The following PIK3CB variants were observed in gnomAD, a reference collection of about 807,000 sequenced individuals.
The protein encoded by PIK3CB is phosphatidylinositol-4,5-bisphosphate 3-kinase catalytic subunit beta.
In PIK3CB, 39 loss-of-function variants were observed where a neutral mutation model predicts 136.8. That is an observed-to-expected ratio of 0.29 (90% CI 0.22 to 0.37). PIK3CB has a LOEUF of 0.37. PIK3CB is among the 10% of genes least tolerant of loss of function. PIK3CB has a pLI of 1.00. For missense variants in PIK3CB, 868 were observed against 1,275.4 expected (o/e 0.68, Z 4.87); for synonymous variants, 428 against 436.6 (o/e 0.98, Z 0.25).
rs547595741 is a variant in PIK3CB, at chr3:138,772,361, T to A, written c.-16-13002A>T. 2.6e-5 allele frequency among the ~76,000 whole-genome samples: 4 copies of A among 152,326 alleles called. No homozygotes were observed. In the East Asian group the frequency reaches 7.7e-4, roughly 29 times the overall value. On this transcript the variant is annotated intron_variant, in intron 2 of 23. Coordinates refer to ENST00000674063, the MANE Select transcript of PIK3CB (RefSeq NM_006219.3). ...ATGGCATACAGTTTATACACTCTTTTAAAGTTCTATTGTTCCAGACACTTT... is the reference window on the plus strand; with the variant it reads ...ATGGCATACAGTTTATACACTCTTTAAAAGTTCTATTGTTCCAGACACTTT...
intron 1 of PIK3CB, among the ~76,000 whole-genome samples, chr3:138,821,371 G>A (rs1444281759): frequency 6.6e-6 from 1 of 152,116 alleles, no homozygotes; most frequent in Non-Finnish European, 1.5e-5. Context: ...TTGGGAGGCT[G>A]CGGCGGGTGG....
At chr3:138,700,755 T>C (rs538743817) in intron 12 of PIK3CB, among the ~76,000 whole-genome samples, 3 of 150,732 alleles carry the variant, frequency 2.0e-5, no homozygotes, top group African/African-American at 7.3e-5. Context: ...AGAGATAGAG[T>C]AGAAGAAAAG....
intron 1 of PIK3CB, among the ~76,000 whole-genome samples, chr3:138,806,448 G>A (rs544666945): frequency 4.6e-5 from 7 of 151,886 alleles, no homozygotes; most frequent in Admixed American, 3.3e-4. Flanking sequence ...TCCCACCACC[G>A]CATTCCAGCC....
At chr3:138,762,688 GTGGCTCAGCCTATAATCTCAGCAC>G (rs2045678652) in intron 2 of PIK3CB, among the ~76,000 whole-genome samples, 1 of 152,156 alleles carries the variant, frequency 6.6e-6, no homozygotes, top group Non-Finnish European at 1.5e-5. Context: ...GCCAGGTAGG[GTGGCTCAGCCTATAATCTCAGCAC>G]TTTGGGAAGC....
chr3:138,706,146 T>C (rs1348595951), intron 11 of PIK3CB, among the ~76,000 whole-genome samples: 3 of 152,214 alleles, frequency 2.0e-5, no homozygotes, highest in Non-Finnish European at 2.9e-5. Flanking sequence ...CCAGGGATGC[T>C]GAGGCAGGAC....
intron 1 of PIK3CB, among the ~76,000 whole-genome samples, chr3:138,817,326 G>A (rs1933381640): frequency 6.6e-6 from 1 of 151,360 alleles, no homozygotes; most frequent in African/African-American, 2.4e-5. Flanking sequence ...GCGACAGCGA[G>A]ACTCCATCTC....
At chr3:138,708,680 C>T (rs769078706) in intron 10 of PIK3CB, among the ~76,000 whole-genome samples, 14 of 151,214 alleles carry the variant, frequency 9.3e-5, no homozygotes, top group Admixed American at 1.3e-4. Flanking sequence ...TAGCCCCAAA[C>T]GATCCTCCTG....
chr3:138,773,270 G>A (rs936833176), intron 2 of PIK3CB, among the ~76,000 whole-genome samples: 1 of 151,808 alleles, frequency 6.6e-6, no homozygotes, highest in Admixed American at 6.6e-5. Context: ...GTGTTGTCAG[G>A]CGCCCACCTA....
intron 1 of PIK3CB, among the ~76,000 whole-genome samples, chr3:138,822,732 T>C (rs563054129): frequency 6.6e-6 from 1 of 151,014 alleles, no homozygotes; most frequent in East Asian, 2.0e-4. Context: ...TCCCAGCTAC[T>C]TGGGAGGCTG....
chr3:138,784,919 G>A (rs1383580193), intron 2 of PIK3CB, among the ~76,000 whole-genome samples: 3 of 151,800 alleles, frequency 2.0e-5, no homozygotes, highest in East Asian at 1.9e-4. Context: ...CCCTCTGCCC[G>A]GCCGCCACCC....
At chr3:138,826,668 A>T (rs571168362) in intron 1 of PIK3CB, among the ~76,000 whole-genome samples, 2 of 152,272 alleles carry the variant, frequency 1.3e-5, no homozygotes, top group South Asian at 4.2e-4. Flanking sequence ...CTCTAAACCA[A>T]ATAGTTCAGA....
At chr3:138,723,102 A>G (rs1267394684) in intron 8 of PIK3CB, among the ~76,000 whole-genome samples, 1 of 152,156 alleles carries the variant, frequency 6.6e-6, no homozygotes, top group Non-Finnish European at 1.5e-5. Flanking sequence ...AAGCATAAAA[A>G]AAGAAGTTTT....
Position 138,657,681 on chromosome 3 carries a change from A to C in PIK3CB, c.2942+9T>G. ...AAGTGTTCAGCCTTGGCACAAGGGC[A>C]GTACTCACCGGCCAAACTTTTCTGT... On this transcript the variant is annotated intron_variant, in intron 22 of 23. Coordinates refer to ENST00000674063, the MANE Select transcript of PIK3CB (RefSeq NM_006219.3). 6.2e-7 allele frequency: 1 copy of C among 1,612,318 alleles called. No individual in the cohort carries two copies. Among genetic ancestry groups the C allele is most frequent in the Non-Finnish European group, 8.5e-7 (1 of 1,178,472 alleles).
intron 20 of PIK3CB, 132 bp downstream of exon 20, chr3:138,664,904 C>G (rs2043375741): frequency 1.9e-6 from 1 of 526,010 alleles, no homozygotes; most frequent in Non-Finnish European, 3.3e-6. Flanking sequence ...TCATTTTGTT[C>G]TAACAAGAAA....
rs908847118 is a variant in PIK3CB at position 138,662,357 on chromosome 3, C to T, written c.2796+1549G>A. ...ATTCCCATCTATGAGTGAGAACATG[C>T]GGTGTTTGGTTTTTTGTCCTTGTGA... is the stretch of plus-strand genomic sequence containing the variant. On this transcript the variant is annotated intron_variant, in intron 21 of 23. Coordinates refer to ENST00000674063, the MANE Select transcript of PIK3CB (RefSeq NM_006219.3). 6.5e-3 allele frequency among the ~76,000 whole-genome samples: 954 copies of T among 146,152 alleles called. 11 individuals carry two copies. The highest frequency in any genetic ancestry group is 0.023 in the African/African-American group (901 of 39,052).
At chr3:138,700,388 G>C (rs1012049455) in intron 12 of PIK3CB, among the ~76,000 whole-genome samples, 3 of 152,124 alleles carry the variant, frequency 2.0e-5, no homozygotes, top group African/African-American at 7.2e-5. Flanking sequence ...TGTGGAATAC[G>C]CTGTTGTATC....
rs200675153 is a variant in PIK3CB at position 138,762,838 on chromosome 3, TA to T, written c.-16-3480del. Among the ~76,000 whole-genome samples the T allele has an allele frequency of 4.1e-4, 63 of 152,040 alleles. 1 individual carries two copies. In the East Asian group the frequency reaches 0.011, roughly 28 times the overall value. On this transcript the variant is annotated intron_variant, in intron 2 of 23. Transcript: ENST00000674063. ...AGCCAGGCATGGCGGCAGGCACCTG[TA>T]ATCCCAGCTACCAGGGAGGCTGAGT... is the stretch of plus-strand genomic sequence containing the variant.
chr3:138,810,362 A>G (rs1212150286), intron 1 of PIK3CB, among the ~76,000 whole-genome samples: 1 of 152,126 alleles, frequency 6.6e-6, no homozygotes, highest in Non-Finnish European at 1.5e-5. Flanking sequence ...AAGGAGAGGG[A>G]AAGAGTAACT....
chr3:138,800,056 C>T (rs2046155422), intron 1 of PIK3CB, among the ~76,000 whole-genome samples: 1 of 152,188 alleles, frequency 6.6e-6, no homozygotes, highest in South Asian at 2.1e-4. Context: ...ACACTTTGTT[C>T]CTATTTAGGG....
Sources: gnomAD v4.1 joint callset for allele counts (sites outside exome capture counted in the v4.1 genomes callset) on GRCh38, gnomAD v4.1.1 for gene constraint, MANE v1.5 for transcripts, NCBI Gene and HGNC (gene_info 2026-07-23, HGNC 2026-07-21) for gene names.